The following COX10 variants were observed in gnomAD, a reference collection of about 807,000 sequenced individuals.
COX10 encodes protoheme IX farnesyltransferase, mitochondrial.
A neutral mutation model predicts 37.3 loss-of-function variants in COX10; 27 were observed. The observed-to-expected ratio is 0.72, with a 90% confidence interval of 0.53 to 1.00. COX10 has a LOEUF of 1.00. Among genes scored for constraint, COX10 ranks in the 50% least tolerant of loss-of-function variants. COX10 has a pLI of 0.00. For synonymous variants in COX10, 222 were observed against 229.1 expected (o/e 0.97, Z 0.28); for missense variants, 475 against 563.2 (o/e 0.84, Z 1.59).
At chr17:14,171,977 C>T (rs1285782237) in intron 5 of COX10, among the ~76,000 whole-genome samples, 1 of 152,162 alleles carries the variant, frequency 6.6e-6, no homozygotes, top group African/African-American at 2.4e-5. Context: ...GTCTTTTCAA[C>T]CCCCTGATTT....
intron 5 of COX10, among the ~76,000 whole-genome samples, chr17:14,166,869 T>G (rs1567606155): frequency 6.7e-6 from 1 of 150,328 alleles, no homozygotes. Flanking sequence ...CTCCTGACCT[T>G]GTGATCCGCC....
intron 4 of COX10, among the ~76,000 whole-genome samples, chr17:14,156,330 C>T (rs1156632551): frequency 1.3e-5 from 2 of 152,060 alleles, no homozygotes; most frequent in African/African-American, 2.4e-5. Flanking sequence ...GGAGGGTTCA[C>T]ACCATTCTCC....
intron 3 of COX10, among the ~76,000 whole-genome samples, chr17:14,083,909 T>C (rs1018037091): frequency 3.3e-5 from 5 of 152,212 alleles, no homozygotes; most frequent in African/African-American, 1.2e-4. Context: ...AGAACTTTTT[T>C]CCTGAGTAAC....
intron 6 of COX10, 114 bp from the exon 7 acceptor site, chr17:14,206,696 G>A: frequency 7.5e-7 from 1 of 1,331,198 alleles, no homozygotes; most frequent in Non-Finnish European, 1.1e-6. Context: ...GAGAGCACAG[G>A]GTGGCAGAGC....
chr17:14,112,748 G>A (rs544099809), intron 4 of COX10, among the ~76,000 whole-genome samples: 38 of 152,212 alleles, frequency 2.5e-4, no homozygotes, highest in Middle Eastern at 3.4e-3. Context: ...TGTGATAGGG[G>A]AACTTTCCAG....
chr17:14,074,176 T>C (rs1461999961), intron 1 of COX10, 147 bp from the exon 2 acceptor site: 3 of 825,506 alleles, frequency 3.6e-6, no homozygotes, highest in Non-Finnish European at 5.8e-6. Context: ...TATTCACAAA[T>C]CTGGATTAGA....
At chr17:14,110,613 C>G (rs975576390) in intron 4 of COX10, among the ~76,000 whole-genome samples, 1 of 151,994 alleles carries the variant, frequency 6.6e-6, no homozygotes, top group African/African-American at 2.4e-5. Flanking sequence ...TTCTAATTAT[C>G]TCTTTCTTTT....
chr17:14,178,953 G>C (rs1451877697), intron 5 of COX10, among the ~76,000 whole-genome samples: 1 of 152,192 alleles, frequency 6.6e-6, no homozygotes, highest in Non-Finnish European at 1.5e-5. Context: ...AAGGATCCAG[G>C]GCAGCTTCCA....
chr17:14,180,873 GT>G (rs1905837197), intron 5 of COX10, among the ~76,000 whole-genome samples: 1 of 151,852 alleles, frequency 6.6e-6, no homozygotes. Context: ...ATACCATAGC[GT>G]TCTCTCTTTT....
chr17:14,123,751 A>T (rs1916274827), intron 4 of COX10, among the ~76,000 whole-genome samples: 1 of 152,188 alleles, frequency 6.6e-6, no homozygotes, highest in African/African-American at 2.4e-5. Flanking sequence ...GGAGTTAACC[A>T]GGGCTTTCTG....
chr17:14,092,247 T>G (rs554199676), intron 3 of COX10, among the ~76,000 whole-genome samples: 4 of 152,276 alleles, frequency 2.6e-5, no homozygotes, highest in African/African-American at 9.6e-5. Context: ...GAATGCTAAT[T>G]GTAAATGTCA....
intron 5 of COX10, chr17:14,181,964 A>G (rs1283468653): frequency 1.0e-6 from 1 of 983,772 alleles, no homozygotes; most frequent in African/African-American, 1.8e-5. Flanking sequence ...GCTGAATCTC[A>G]GTGGTCAGCA....
chr17:14,073,567 A>G (rs1194923773), intron 1 of COX10, among the ~76,000 whole-genome samples: 1 of 152,214 alleles, frequency 6.6e-6, no homozygotes, highest in Non-Finnish European at 1.5e-5. Context: ...TTGCTCAGGG[A>G]CAATATTTAA....
intron 4 of COX10, 33 bp from the exon 5 acceptor site, chr17:14,159,844 A>T: frequency 6.6e-7 from 1 of 1,509,388 alleles, no homozygotes; most frequent in Non-Finnish European, 9.2e-7. Context: ...TTTTATAGTT[A>T]ATGTTTTCTG....
chr17:14,153,985 G>C (rs988095555), intron 4 of COX10, among the ~76,000 whole-genome samples: 18 of 152,152 alleles, frequency 1.2e-4, no homozygotes, highest in African/African-American at 4.3e-4. Context: ...GCAAGATGAT[G>C]AATATCAAAA....
Position 14,193,921 on chromosome 17 carries a change from T to C in COX10, c.928+1700T>C, listed in dbSNP as rs1408264298. The stretch of plus-strand genomic sequence containing the variant: ...AGGCTGTGCATGGGGAGTATCCCCC[T>C]TCCTCAAGGGTGTAGCCCCACTTCA... On this transcript the variant is annotated intron_variant, in intron 6 of 6. Transcript: ENST00000261643. Among the ~76,000 whole-genome samples, 3 of 151,964 alleles carry C rather than the reference T, an allele frequency of 2.0e-5. No homozygotes were observed. In the South Asian group the frequency reaches 6.2e-4, roughly 32 times the overall value.
intron 4 of COX10, among the ~76,000 whole-genome samples, chr17:14,159,260 C>A (rs983420193): frequency 5.9e-5 from 9 of 152,178 alleles, no homozygotes; most frequent in African/African-American, 2.2e-4. Context: ...ATTACGTCAG[C>A]CCTGGTTCTT....
intron 4 of COX10, among the ~76,000 whole-genome samples, chr17:14,150,068 T>G (rs1904845216): frequency 6.6e-6 from 1 of 151,988 alleles, no homozygotes. Context: ...GGCCAAGAGT[T>G]TGAGACCAGC....
At position 14,123,516 on chromosome 17, in the gene COX10, G is replaced by A. The variant is rs762033189; in HGVS notation, c.624+21274G>A. 4.6e-5 allele frequency among the ~76,000 whole-genome samples: 7 copies of A among 152,150 alleles called. 1 individual carries two copies. The South Asian group carries it at 8.3e-4, about 18-fold the overall frequency. On this transcript the variant is annotated intron_variant, in intron 4 of 6. Transcript: ENST00000261643. Reference sequence around the variant, plus strand: ...TTTCCAGCGTAGATAAAGTAGCCTAGAGCATGATGGAAACACATGAAACTA... The same window carrying A: ...TTTCCAGCGTAGATAAAGTAGCCTAAAGCATGATGGAAACACATGAAACTA...
Sources: gnomAD v4.1 joint callset for allele counts (sites outside exome capture counted in the v4.1 genomes callset) on GRCh38, gnomAD v4.1.1 for gene constraint, MANE v1.5 for transcripts, NCBI Gene and HGNC (gene_info 2026-07-23, HGNC 2026-07-21) for gene names.